TOX: variants seen among roughly 807,000 people sequenced by gnomAD.
TOX encodes the protein thymocyte selection associated high mobility group box, also known as thymocyte selection-associated high mobility group box protein TOX.
Under a neutral mutation model 53.7 loss-of-function variants are expected in TOX, and 11 were observed. That is an observed-to-expected ratio of 0.20 (90% confidence interval 0.13 to 0.34). The LOEUF is 0.34. Ranked by LOEUF, TOX falls within the 10% of genes least tolerant of loss-of-function variation. The probability of loss-of-function intolerance (pLI) is 1.00; values close to 1 mark genes in which losing one functional copy is unlikely to be tolerated. For missense variants in TOX, 570 were observed against 664.6 expected, an observed-to-expected ratio of 0.86 and a Z score of 1.56; for synonymous variants, 225 against 245.3, an observed-to-expected ratio of 0.92 and a Z score of 0.77.
chr8:59,048,295 G>A (rs1176209939), intron 1 of TOX, among the ~76,000 whole-genome samples: 1 of 152,130 alleles, frequency 6.6e-6, no homozygotes, highest in Non-Finnish European at 1.5e-5. Flanking sequence ...AAGCTGCTGG[G>A]TTAACCAAAC....
intron 1 of TOX, among the ~76,000 whole-genome samples, chr8:58,997,492 T>A (rs1048127009): frequency 2.0e-5 from 3 of 152,204 alleles, no homozygotes; most frequent in African/African-American, 7.2e-5. Context: ...GAGCCATAGA[T>A]TCCCACCCTG....
intron 1 of TOX, among the ~76,000 whole-genome samples, chr8:58,995,649 C>A (rs1813547232): frequency 6.6e-6 from 1 of 152,102 alleles, no homozygotes; most frequent in South Asian, 2.1e-4. Context: ...AAAGTGATTA[C>A]CTCCAAAATG....
chr8:58,928,645 TAC>T (rs1012221373), intron 3 of TOX, among the ~76,000 whole-genome samples: 1 of 152,062 alleles, frequency 6.6e-6, no homozygotes, highest in African/African-American at 2.4e-5. Flanking sequence ...TATATATATA[TAC>T]ACACACATCA....
chr8:58,822,875 T>C (rs534080235), intron 6 of TOX, among the ~76,000 whole-genome samples: 2 of 152,244 alleles, frequency 1.3e-5, no homozygotes, highest in South Asian at 2.1e-4. Context: ...CCACAGCCAC[T>C]GTGGGCAAGC....
chr8:58,807,543 A>AACAATGTCC lies in TOX; in HGVS notation c.*195_*203dup, dbSNP rs1176077755. The AACAATGTCC allele has an allele frequency of 3.8e-6, 2 of 529,028 alleles. No individual in the cohort carries two copies. The highest frequency in any genetic ancestry group is 6.6e-6 in the Non-Finnish European group (2 of 304,864). 32.8% of individuals were successfully genotyped at this position (529,028 alleles called of 1,614,324 possible). A position where few individuals can be genotyped will look rare whatever the true frequency, so the allele number is the denominator to read the frequency against. Reference sequence around the variant, plus strand: ...CAAATTTCCTTCAGGGAAGAAGAAAAACAATGTCCATAAAGGATTAAAAAA... The same window carrying AACAATGTCC: ...CAAATTTCCTTCAGGGAAGAAGAAAAACAATGTCCACAATGTCCATAAAGGATTAAAAAA... On this transcript the variant is annotated 3_prime_UTR_variant, in exon 9 of 9. Coordinates refer to ENST00000361421, the MANE Select transcript of TOX (RefSeq NM_014729.3).
chr8:59,103,335 A>AT (rs1804839822), intron 1 of TOX, among the ~76,000 whole-genome samples: 1 of 152,198 alleles, frequency 6.6e-6, no homozygotes, highest in Non-Finnish European at 1.5e-5. Context: ...CCTCAACTCT[A>AT]TTTTTTAATA....
chr8:58,840,164 G>A (rs1810619626), intron 4 of TOX, among the ~76,000 whole-genome samples: 1 of 152,186 alleles, frequency 6.6e-6, no homozygotes, highest in East Asian at 1.9e-4. Flanking sequence ...ACCGAAAAGA[G>A]ATAAGCAAAA....
chr8:59,030,290 T>C (rs556624924), intron 1 of TOX, among the ~76,000 whole-genome samples: 2 of 152,202 alleles, frequency 1.3e-5, no homozygotes, highest in South Asian at 2.1e-4. Context: ...CATCTTAAGA[T>C]GTAGGGGCCC....
intron 1 of TOX, among the ~76,000 whole-genome samples, chr8:59,086,501 T>G (rs1289315045): frequency 1.3e-5 from 2 of 152,214 alleles, no homozygotes. Flanking sequence ...AGTAGACTAT[T>G]CCTTAGTCCC....
intron 1 of TOX, among the ~76,000 whole-genome samples, chr8:59,067,486 C>A (rs1266802783): frequency 6.6e-6 from 1 of 152,054 alleles, no homozygotes; most frequent in Non-Finnish European, 1.5e-5. Flanking sequence ...ACCCAGGAGG[C>A]AGAGACTACA....
chr8:59,001,739 C>T (rs1427342256), intron 1 of TOX, among the ~76,000 whole-genome samples: 1 of 151,926 alleles, frequency 6.6e-6, no homozygotes, highest in Admixed American at 6.6e-5. Flanking sequence ...TTATCATATT[C>T]AAGAAGTAAG....
chr8:59,093,125 A>T (rs1804655011), intron 1 of TOX, among the ~76,000 whole-genome samples: 2 of 152,244 alleles, frequency 1.3e-5, no homozygotes, highest in South Asian at 2.1e-4. Flanking sequence ...GGATGGGGTC[A>T]TGGTAGAACT....
At chr8:59,077,740 T>C (rs1383069360) in intron 1 of TOX, among the ~76,000 whole-genome samples, 1 of 152,242 alleles carries the variant, frequency 6.6e-6, no homozygotes, top group African/African-American at 2.4e-5. Flanking sequence ...TGAAGTTCGA[T>C]ACTTATTGAT....
chr8:59,051,805 T>C (rs1013999975), intron 1 of TOX, among the ~76,000 whole-genome samples: 42 of 152,288 alleles, frequency 2.8e-4, no homozygotes, highest in Admixed American at 2.6e-3. Context: ...AAAAGTTGAA[T>C]TGGTATTTAG....
At chr8:58,886,804 T>A (rs1811476280) in intron 3 of TOX, among the ~76,000 whole-genome samples, 1 of 151,920 alleles carries the variant, frequency 6.6e-6, no homozygotes, top group Non-Finnish European at 1.5e-5. Flanking sequence ...AATTTACCTT[T>A]TATATTTACT....
chr8:58,941,117 C>T (rs964043284), intron 2 of TOX, among the ~76,000 whole-genome samples: 7 of 152,162 alleles, frequency 4.6e-5, no homozygotes, highest in Non-Finnish European at 8.8e-5. Flanking sequence ...ATATGTATCC[C>T]ATGTGAAAAA....
chr8:58,828,332 G>A (rs72649457), intron 5 of TOX, among the ~76,000 whole-genome samples: 1 of 151,942 alleles, frequency 6.6e-6, no homozygotes, highest in Non-Finnish European at 1.5e-5. Context: ...CTCCTAAAGT[G>A]GGGGGCTTCA....
At chr8:59,104,946 A>C (rs1334744346) in intron 1 of TOX, among the ~76,000 whole-genome samples, 2 of 152,158 alleles carry the variant, frequency 1.3e-5, no homozygotes, top group Non-Finnish European at 2.9e-5. Context: ...CTCTCTTATT[A>C]GCCATATGGA....
intron 1 of TOX, among the ~76,000 whole-genome samples, chr8:58,981,438 C>T (rs1223439537): frequency 1.3e-5 from 2 of 152,142 alleles, no homozygotes; most frequent in African/African-American, 2.4e-5. Flanking sequence ...CCTTACCCTT[C>T]GCCTGGCCTG....
Sources: gnomAD v4.1 joint callset for allele counts (sites outside exome capture counted in the v4.1 genomes callset) on GRCh38, gnomAD v4.1.1 for gene constraint, MANE v1.5 for transcripts, NCBI Gene and HGNC (gene_info 2026-07-23, HGNC 2026-07-21) for gene names.